The following AGBL1 variants were observed in gnomAD, a reference collection of about 807,000 sequenced individuals.
AGBL1 encodes the protein cytosolic carboxypeptidase 4.
Under a neutral mutation model 118.9 loss-of-function variants are expected in AGBL1, and 130 were observed. The observed-to-expected ratio is 1.09, with a 90% confidence interval of 0.95 to 1.26. The LOEUF is 1.26. Ranked by LOEUF, AGBL1 falls within the 50% of genes most tolerant of loss-of-function variation. AGBL1 has a pLI of 0.00. For synonymous variants in AGBL1, 555 were observed against 478.9 expected (o/e 1.16, Z -2.08); for missense variants, 1,584 against 1,298.1 (o/e 1.22, Z -3.38).
chr15:86,721,080 G>T (rs1176236888), intron 22 of AGBL1, among the ~76,000 whole-genome samples: 1 of 152,166 alleles, frequency 6.6e-6, no homozygotes, highest in Non-Finnish European at 1.5e-5. Flanking sequence ...ACAAGGAGGA[G>T]CTGGTACCAT....
chr15:86,463,923 G>T (rs1408678001), intron 18 of AGBL1, among the ~76,000 whole-genome samples: 3 of 152,108 alleles, frequency 2.0e-5, no homozygotes, highest in Non-Finnish European at 4.4e-5. Flanking sequence ...GGCTATACAG[G>T]CTCTTTTTTG....
intron 7 of AGBL1, among the ~76,000 whole-genome samples, chr15:86,254,143 T>C (rs931366978): frequency 6.6e-6 from 1 of 152,216 alleles, no homozygotes; most frequent in African/African-American, 2.4e-5. Context: ...TTACTAGGAC[T>C]CTGCTCTGCG....
chr15:86,784,887 T>C (rs556314650), intron 22 of AGBL1, among the ~76,000 whole-genome samples: 1 of 152,286 alleles, frequency 6.6e-6, no homozygotes, highest in South Asian at 2.1e-4. Flanking sequence ...TACTACTATC[T>C]TTGCAACTTT....
chr15:86,796,624 G>A (rs1274814596), intron 22 of AGBL1, among the ~76,000 whole-genome samples: 2 of 152,164 alleles, frequency 1.3e-5, no homozygotes, highest in East Asian at 3.9e-4. Flanking sequence ...GGCTTTGTTT[G>A]GTTTTGGAGC....
chr15:86,355,390 C>T (rs1206513987), intron 17 of AGBL1, among the ~76,000 whole-genome samples: 1 of 152,156 alleles, frequency 6.6e-6, no homozygotes, highest in Non-Finnish European at 1.5e-5. Flanking sequence ...TGGCACACAC[C>T]ACCAAGGATT....
At chr15:86,369,271 G>C (rs944422265) in intron 17 of AGBL1, among the ~76,000 whole-genome samples, 2 of 152,176 alleles carry the variant, frequency 1.3e-5, no homozygotes, top group Admixed American at 6.5e-5. Flanking sequence ...ACTCGAGATA[G>C]CAATGCCAAT....
intron 24 of AGBL1, among the ~76,000 whole-genome samples, chr15:87,023,311 A>G (rs1191878566): frequency 1.3e-5 from 2 of 152,136 alleles, no homozygotes; most frequent in Admixed American, 1.3e-4. Flanking sequence ...ACGGACAGCA[A>G]AAGTGAGCAG....
rs12915460 is a variant in AGBL1 at position 86,110,131 on chromosome 15, C to T, written c.51+30108C>T. Among the ~76,000 whole-genome samples, 784 of 152,294 alleles carry T rather than the reference C, an allele frequency of 5.1e-3. 6 individuals carry two copies. Among genetic ancestry groups the T allele is most frequent in the Non-Finnish European group, 8.1e-3 (554 of 68,032 alleles). On this transcript the variant is annotated intron_variant, in intron 1 of 22. Coordinates refer to ENST00000614907, the MANE Select transcript of AGBL1 (RefSeq NM_001386094.1). ...GTGAGGGACTCCAAAGCTTTAGCTG[C>T]GTAAGATTTATGGTAACTCTACCTC...
At chr15:86,576,264 A>G (rs28366686) in intron 21 of AGBL1, among the ~76,000 whole-genome samples, 3,212 of 152,274 alleles carry the variant, frequency 0.021, 122 homozygotes, top group African/African-American at 0.072. Context: ...TAAAAGAAAA[A>G]CATCAGACAA....
chr15:86,188,779 T>C (rs532433588), intron 5 of AGBL1, among the ~76,000 whole-genome samples: 1 of 152,308 alleles, frequency 6.6e-6, no homozygotes, highest in South Asian at 2.1e-4. Context: ...TTGCTGGCCA[T>C]AGAAAAGATT....
intron 5 of AGBL1, among the ~76,000 whole-genome samples, chr15:86,207,104 A>G (rs540406690): frequency 1.5e-4 from 23 of 152,290 alleles, no homozygotes; most frequent in African/African-American, 5.5e-4. Context: ...CAGGTTTGTC[A>G]AAGATCAGAT....
intron 23 of AGBL1, among the ~76,000 whole-genome samples, chr15:86,971,719 G>C (rs2081110708): frequency 6.6e-6 from 1 of 151,838 alleles, no homozygotes; most frequent in Non-Finnish European, 1.5e-5. Context: ...TCATTCTTTG[G>C]CCAGCTGAAT....
chr15:86,660,513 A>G (rs755419085), intron 21 of AGBL1, among the ~76,000 whole-genome samples: 2 of 152,178 alleles, frequency 1.3e-5, no homozygotes, highest in Admixed American at 1.3e-4. Context: ...TTTAGAAACA[A>G]TCTTTTCCCC....
intron 18 of AGBL1, among the ~76,000 whole-genome samples, chr15:86,434,521 C>T (rs1596110424): frequency 6.6e-6 from 1 of 152,232 alleles, no homozygotes; most frequent in East Asian, 1.9e-4. Flanking sequence ...ACTTATTAGC[C>T]TCTGGATACA....
chr15:86,633,462 C>A (rs752331457), intron 21 of AGBL1, among the ~76,000 whole-genome samples: 35 of 151,960 alleles, frequency 2.3e-4, no homozygotes, highest in Non-Finnish European at 2.4e-4. Flanking sequence ...CTTTTATGTA[C>A]TTTGTTTACT....
intron 21 of AGBL1, among the ~76,000 whole-genome samples, chr15:86,579,941 A>G (rs1353034454): frequency 6.6e-6 from 1 of 152,176 alleles, no homozygotes; most frequent in African/African-American, 2.4e-5. Context: ...TAAGAAGGAA[A>G]ACTGTCTTGT....
At chr15:86,129,297 A>G (rs983600671) in intron 1 of AGBL1, among the ~76,000 whole-genome samples, 18 of 152,174 alleles carry the variant, frequency 1.2e-4, no homozygotes, top group Admixed American at 3.9e-4. Flanking sequence ...TTGTGTGTAT[A>G]GGAATCTGAC....
At chr15:87,027,115 G>A (rs1255858129) in intron 24 of AGBL1, among the ~76,000 whole-genome samples, 1 of 151,842 alleles carries the variant, frequency 6.6e-6, no homozygotes, top group African/African-American at 2.4e-5. Context: ...AACACCACCT[G>A]TTCCTCAATA....
chr15:86,766,443 A>C (rs1456277417), intron 22 of AGBL1, among the ~76,000 whole-genome samples: 1 of 152,010 alleles, frequency 6.6e-6, no homozygotes, highest in South Asian at 2.1e-4. Context: ...GTCTCAGACA[A>C]GTTAATAATT....
Sources: allele counts gnomAD v4.1 joint callset (sites outside exome capture counted in the v4.1 genomes callset), GRCh38; gene constraint gnomAD v4.1.1; transcripts MANE v1.5; gene names NCBI Gene and HGNC (gene_info 2026-07-23, HGNC 2026-07-21).